STARD13: variants seen among roughly 807,000 people sequenced by gnomAD.
STARD13 encodes the protein stAR-related lipid transfer protein 13.
A neutral mutation model predicts 106.4 loss-of-function variants in STARD13; 62 were observed. The observed-to-expected ratio is 0.58, with a 90% confidence interval of 0.48 to 0.72. STARD13 has a LOEUF of 0.72. Among genes scored for constraint, STARD13 ranks in the 30% least tolerant of loss-of-function variants. STARD13 has a pLI of 0.00. For missense variants in STARD13, 1,387 were observed against 1,424.0 expected (o/e 0.97, Z 0.42); for synonymous variants, 565 against 553.0 (o/e 1.02, Z -0.31).
At chr13:33,431,239 T>C in the STARD13 span, among the ~76,000 whole-genome samples, 1 of 152,104 alleles carries the variant, frequency 6.6e-6, no homozygotes, top group African/African-American at 2.4e-5. Context: ...AATAAAAAAA[T>C]GTGGCAAGTC....
intron 1 of STARD13, among the ~76,000 whole-genome samples, chr13:33,246,882 GTT>G (rs1168492040): frequency 6.6e-6 from 1 of 152,176 alleles, no homozygotes; most frequent in Non-Finnish European, 1.5e-5. Flanking sequence ...TATGGAGAGA[GTT>G]ATAGATTGGT....
the STARD13 span, among the ~76,000 whole-genome samples, chr13:33,583,466 A>G: frequency 6.6e-6 from 1 of 151,344 alleles, no homozygotes; most frequent in Non-Finnish European, 1.5e-5. Context: ...TCTTTGCAAA[A>G]CTCCGTCTTA....
chr13:33,152,574 C>T (rs555540957), intron 3 of STARD13, among the ~76,000 whole-genome samples: 74 of 152,332 alleles, frequency 4.9e-4, no homozygotes, highest in African/African-American at 1.7e-3. Context: ...AATGTACAGC[C>T]TTGTTGCCTC....
the STARD13 span, among the ~76,000 whole-genome samples, chr13:33,433,844 C>T: frequency 6.6e-6 from 1 of 152,094 alleles, no homozygotes. Flanking sequence ...TCCTTATTCT[C>T]TTCCCCCATT....
chr13:33,277,436 C>T (rs577410331), intron 1 of STARD13: 1 of 151,528 alleles, frequency 6.6e-6, no homozygotes, highest in African/African-American at 2.4e-5. Context: ...TTCTGTCATA[C>T]TAGGAGAGCC....
At chr13:33,595,478 AT>A in the STARD13 span, among the ~76,000 whole-genome samples, 1 of 152,178 alleles carries the variant, frequency 6.6e-6, no homozygotes, top group Non-Finnish European at 1.5e-5. Flanking sequence ...AAAAGAGAAA[AT>A]TTAAATTATA....
chr13:33,223,704 G>A (rs1465577867), intron 1 of STARD13, among the ~76,000 whole-genome samples: 1 of 151,942 alleles, frequency 6.6e-6, no homozygotes, highest in African/African-American at 2.4e-5. Context: ...TTAAAAGTGT[G>A]GGCTCTGGAG....
chr13:33,499,562 T>TTCC, the STARD13 span, among the ~76,000 whole-genome samples: 2 of 62,768 alleles, frequency 3.2e-5, no homozygotes, highest in Non-Finnish European at 6.6e-5. Context: ...CTTCTTCTTC[T>TTCC]TCTTCTTCTT....
chr13:33,534,563 T>C, the STARD13 span, among the ~76,000 whole-genome samples: 3 of 152,334 alleles, frequency 2.0e-5, no homozygotes, highest in East Asian at 3.9e-4. Context: ...TTCATACATG[T>C]ATTTTGTGAT....
the STARD13 span, among the ~76,000 whole-genome samples, chr13:33,506,655 T>C: frequency 3.9e-5 from 6 of 152,140 alleles, no homozygotes; most frequent in Admixed American, 2.0e-4. Context: ...CATTCATAGG[T>C]AAAAGATACA....
At chr13:33,414,074 A>T in the STARD13 span, among the ~76,000 whole-genome samples, 1 of 151,804 alleles carries the variant, frequency 6.6e-6, no homozygotes, top group Non-Finnish European at 1.5e-5. Context: ...GAAACACGTA[A>T]GATGCTCAAT....
At chr13:33,396,797 G>T in the STARD13 span, among the ~76,000 whole-genome samples, 1 of 152,120 alleles carries the variant, frequency 6.6e-6, no homozygotes, top group African/African-American at 2.4e-5. Context: ...ATATCTGTTT[G>T]GTTTTCAGAC....
chr13:33,626,618 G>A, the STARD13 span, among the ~76,000 whole-genome samples: 2 of 152,192 alleles, frequency 1.3e-5, no homozygotes, highest in African/African-American at 2.4e-5. Context: ...AGAAAGTGTA[G>A]GAAAGTATTT....
chr13:33,316,144 CT>C (rs1893324745), intron 1 of STARD13, among the ~76,000 whole-genome samples: 1 of 152,212 alleles, frequency 6.6e-6, no homozygotes, highest in African/African-American at 2.4e-5. Flanking sequence ...GGTCTTCAGA[CT>C]CTACCTTCTG....
At chr13:33,574,867 T>C in the STARD13 span, among the ~76,000 whole-genome samples, 3 of 151,956 alleles carry the variant, frequency 2.0e-5, no homozygotes, top group Non-Finnish European at 4.4e-5. Flanking sequence ...TTTGTTGTTA[T>C]ACTCTCAACC....
At position 33,149,646 on chromosome 13, in the gene STARD13, A is replaced by T. The variant is rs1020403838; in HGVS notation, c.324-7273T>A. ...TATGGTTGTCTGAAACTAGGTACATATTCCCATCACGGTATAGCATTGGCC... is the reference window on the plus strand; with the variant it reads ...TATGGTTGTCTGAAACTAGGTACATTTTCCCATCACGGTATAGCATTGGCC... On this transcript the variant is annotated intron_variant, in intron 3 of 13. Transcript: ENST00000336934. Among the ~76,000 whole-genome samples the T allele has an allele frequency of 2.1e-4, 32 of 152,224 alleles. 1 individual carries two copies. The highest frequency in any genetic ancestry group is 1.7e-3 in the Admixed American group (26 of 15,288).
chr13:33,377,235 G>A, the STARD13 span, among the ~76,000 whole-genome samples: 1 of 152,120 alleles, frequency 6.6e-6, no homozygotes, highest in African/African-American at 2.4e-5. Flanking sequence ...TTACCCTGAG[G>A]ATGGGTTATA....
chr13:33,187,862 T>A (rs759345132), intron 1 of STARD13, among the ~76,000 whole-genome samples: 4 of 152,156 alleles, frequency 2.6e-5, no homozygotes, highest in Non-Finnish European at 4.4e-5. Flanking sequence ...TTTGTATTTT[T>A]TAGTAGAGAC....
At chr13:33,369,472 G>T in the STARD13 span, among the ~76,000 whole-genome samples, 1 of 152,076 alleles carries the variant, frequency 6.6e-6, no homozygotes, top group East Asian at 1.9e-4. Context: ...CTTCAAAAAA[G>T]CTTACATTTA....
Sources: gnomAD v4.1 joint callset for allele counts (sites outside exome capture counted in the v4.1 genomes callset) on GRCh38, gnomAD v4.1.1 for gene constraint, MANE v1.5 for transcripts, NCBI Gene and HGNC (gene_info 2026-07-23, HGNC 2026-07-21) for gene names.